SHQ1: variants seen among roughly 807,000 people sequenced by gnomAD.
SHQ1 encodes SHQ1, H/ACA ribonucleoprotein assembly factor.
In SHQ1, 49 loss-of-function variants were observed where a neutral mutation model predicts 53.8. The observed-to-expected ratio is 0.91, with a 90% confidence interval of 0.72 to 1.16. The LOEUF is 1.16. Among genes scored for constraint, SHQ1 ranks in the 50% most tolerant of loss-of-function variants. SHQ1 has a pLI of 0.00. For synonymous variants in SHQ1, 243 were observed against 251.0 expected (o/e 0.97, Z 0.30); for missense variants, 738 against 683.1 (o/e 1.08, Z -0.90).
At chr3:72,727,148 G>A in the SHQ1 span, among the ~76,000 whole-genome samples, 1 of 152,320 alleles carries the variant, frequency 6.6e-6, no homozygotes, top group South Asian at 2.1e-4. Context: ...GGCCATGGAG[G>A]CGGGGCTGTG....
At chr3:72,816,258 A>G (rs142584459) in intron 7 of SHQ1, among the ~76,000 whole-genome samples, 177 of 152,326 alleles carry the variant, frequency 1.2e-3, no homozygotes, top group African/African-American at 4.0e-3. Flanking sequence ...ACCTAAGGTA[A>G]ATACACACAA....
chr3:72,772,890 AGCACAG>A lies in SHQ1; in HGVS notation c.1181+20020_1181+20025del, dbSNP rs1207766639. On this transcript the variant is annotated intron_variant, in intron 10 of 10. Transcript: ENST00000325599. ...AAGCTGTGGACAAATCTGAATTGGA[AGCACAG>A]GCTGTTACAACTTCTAAATGGGAGT... is the stretch of plus-strand genomic sequence containing the variant. 3.4e-5 allele frequency: 27 copies of A among 788,198 alleles called. No homozygotes were observed. The Admixed American group carries it at 4.7e-4, about 14-fold the overall frequency. The allele number at this position is 788,198 out of a possible 1,614,324, so 48.8% of individuals were successfully genotyped here. A position where few individuals can be genotyped will look rare whatever the true frequency, so the allele number is the denominator to read the frequency against.
the SHQ1 span, among the ~76,000 whole-genome samples, chr3:72,735,710 GAGGAAGGAAGGA>G: frequency 1.0e-3 from 104 of 102,656 alleles, 1 homozygote; most frequent in African/African-American, 3.6e-3. Context: ...GAGAGAGAGA[GAGGAAGGAAGGA>G]AGGAAGGAAG....
intron 6 of SHQ1, 102 bp from the exon 7 acceptor site, chr3:72,817,486 T>A: frequency 8.9e-7 from 1 of 1,127,666 alleles, no homozygotes; most frequent in South Asian, 1.6e-5. Context: ...GAAACTGAAA[T>A]AAAAGTTCTT....
chr3:72,758,117 T>A (rs934437197), intron 10 of SHQ1, among the ~76,000 whole-genome samples: 6 of 152,202 alleles, frequency 3.9e-5, no homozygotes, highest in African/African-American at 1.2e-4. Context: ...TGGCTTTAAG[T>A]AGAAGTTGCT....
chr3:72,743,276 T>G, the SHQ1 span, among the ~76,000 whole-genome samples: 1 of 152,226 alleles, frequency 6.6e-6, no homozygotes, highest in East Asian at 1.9e-4. Context: ...GACCTGGCCC[T>G]GATTCACTGG....
At chr3:72,806,495 G>A (rs1706951032) in intron 9 of SHQ1, among the ~76,000 whole-genome samples, 1 of 152,064 alleles carries the variant, frequency 6.6e-6, no homozygotes, top group South Asian at 2.1e-4. Flanking sequence ...AAAACACAAG[G>A]AATTACAATC....
chr3:72,844,177 A>C (rs1249953395), intron 2 of SHQ1, among the ~76,000 whole-genome samples, 182 bp downstream of exon 2: 1 of 152,188 alleles, frequency 6.6e-6, no homozygotes, highest in Non-Finnish European at 1.5e-5. Context: ...ATACTTTAAA[A>C]GACTTGTGAG....
the SHQ1 span, among the ~76,000 whole-genome samples, chr3:72,735,750 A>AAGGC: frequency 2.6e-4 from 32 of 122,632 alleles, no homozygotes; most frequent in Middle Eastern, 4.0e-3. Flanking sequence ...GGAAGGAAGG[A>AAGGC]AGGCAGGCAG....
chr3:72,782,336 A>G (rs1189336056), intron 10 of SHQ1, among the ~76,000 whole-genome samples: 1 of 152,228 alleles, frequency 6.6e-6, no homozygotes, highest in Non-Finnish European at 1.5e-5. Flanking sequence ...ATTTCCTTGA[A>G]AGCTGTTTAA....
In SHQ1 at chr3:72,796,182, T is replaced by A. The variant is rs114760838; in HGVS notation, c.1061-3146A>T. ...AAACCATTTGGCTAGAGCAAAGAGT[T>A]CATGTAAGGAAAAAAAGGAGAATAA... is the stretch of plus-strand genomic sequence containing the variant. On this transcript the variant is annotated intron_variant, in intron 9 of 10. Transcript: ENST00000325599. Among the ~76,000 whole-genome samples the A allele has an allele frequency of 5.9e-3, 884 of 149,344 alleles. 9 individuals are homozygous for A. Among genetic ancestry groups the A allele is most frequent in the African/African-American group, 0.021 (856 of 40,630 alleles).
chr3:72,741,030 T>C, the SHQ1 span, among the ~76,000 whole-genome samples: 1 of 152,236 alleles, frequency 6.6e-6, no homozygotes, highest in Non-Finnish European at 1.5e-5. Context: ...TCCCAGCTCT[T>C]GCCTATTTAG....
intron 4 of SHQ1, among the ~76,000 whole-genome samples, chr3:72,833,528 G>A (rs1216460099): frequency 7.5e-6 from 1 of 133,266 alleles, no homozygotes; most frequent in East Asian, 2.3e-4. Flanking sequence ...ATAGATGGAT[G>A]ATAGACAGAT....
chr3:72,826,914 G>T (rs1172020748), intron 5 of SHQ1, among the ~76,000 whole-genome samples: 2 of 152,154 alleles, frequency 1.3e-5, no homozygotes, highest in African/African-American at 4.8e-5. Flanking sequence ...TTTACATAGG[G>T]GAATGACATT....
chr3:72,802,426 T>C (rs1388819441), intron 9 of SHQ1, among the ~76,000 whole-genome samples: 1 of 152,174 alleles, frequency 6.6e-6, no homozygotes, highest in Non-Finnish European at 1.5e-5. Context: ...AATGCCAAAC[T>C]CTTCAGTGGT....
chr3:72,750,439 C>A lies in SHQ1; in HGVS notation c.1579G>T (p.Ala527Ser), dbSNP rs545967919. ...GACACTCCAAGAGGCCAGGAAGAGG[C>A]AAGTGGCTTTCCCTGACTGGCATCA... The part of the protein sequence containing the change: ...ESDASQGKPL[A>S]SSWPLGVSGP... Residue 527 changes from alanine (A) to serine (S), a missense_variant, in exon 11 of 11, where the codon GCC (alanine) becomes TCC (serine). Transcript: ENST00000325599. 2.5e-6 allele frequency: 4 copies of A among 1,614,176 alleles called. No individual in the cohort carries two copies. Among genetic ancestry groups the A allele is most frequent in the Non-Finnish European group, 3.4e-6 (4 of 1,180,036 alleles).
intron 10 of SHQ1, among the ~76,000 whole-genome samples, chr3:72,781,819 C>A (rs1160040042): frequency 6.6e-6 from 1 of 152,066 alleles, no homozygotes; most frequent in African/African-American, 2.4e-5. Context: ...CACTAAAAAT[C>A]ATTTTTGCCA....
intron 9 of SHQ1, 53 bp downstream of exon 9, chr3:72,812,618 T>TA (rs1707159532): frequency 1.2e-6 from 2 of 1,602,602 alleles, no homozygotes; most frequent in African/African-American, 2.7e-5. Context: ...CTTCACAGAC[T>TA]AAAAACTTAC....
intron 9 of SHQ1, among the ~76,000 whole-genome samples, chr3:72,810,560 T>C (rs1707087166): frequency 1.3e-5 from 2 of 152,230 alleles, no homozygotes; most frequent in Non-Finnish European, 2.9e-5. Flanking sequence ...TATGGAACAC[T>C]ATACTGACCT....
Sources: allele counts gnomAD v4.1 joint callset (sites outside exome capture counted in the v4.1 genomes callset), GRCh38; gene constraint gnomAD v4.1.1; transcripts MANE v1.5; gene names NCBI Gene and HGNC (gene_info 2026-07-23, HGNC 2026-07-21).